The following PKD1L3 variants were observed in gnomAD, a reference collection of about 807,000 sequenced individuals.
PKD1L3 encodes polycystin 1 like 3, transient receptor potential channel interacting, also known as polycystin-1-like protein 3.
PKD1L3 carries 239 observed loss-of-function variants against 184.1 expected under a neutral mutation model. The observed-to-expected ratio is 1.30, with a 90% CI of 1.17 to 1.45. The LOEUF is 1.45. Among genes scored for constraint, PKD1L3 ranks in the 40% most tolerant of loss-of-function variants. PKD1L3 has a pLI of 0.00. For synonymous variants in PKD1L3, 996 were observed against 778.8 expected, an observed-to-expected ratio of 1.28 and a Z score of -4.64; for missense variants, 2,660 against 2,067.2, an observed-to-expected ratio of 1.29 and a Z score of -5.56.
intron 11 of PKD1L3, among the ~76,000 whole-genome samples, chr16:71,974,122 G>A (rs1273010382): frequency 6.6e-6 from 1 of 152,186 alleles, no homozygotes; most frequent in African/African-American, 2.4e-5. Context: ...TAAGTTAGCA[G>A]ATAGAAGACT....
intron 24 of PKD1L3, among the ~76,000 whole-genome samples, chr16:71,938,692 T>G (rs1183375350): frequency 6.6e-6 from 1 of 152,200 alleles, no homozygotes; most frequent in African/African-American, 2.4e-5. Context: ...CAGGATGACC[T>G]GCCTGCAGAT....
intron 11 of PKD1L3, among the ~76,000 whole-genome samples, chr16:71,976,348 C>T (rs972526745): frequency 2.7e-5 from 4 of 145,724 alleles, no homozygotes; most frequent in African/African-American, 1.0e-4. Flanking sequence ...CTCTGCCTCC[C>T]AGGCTTAAGC....
In PKD1L3 at chr16:71,952,966, G is replaced by T; in HGVS notation, c.2937C>A (p.Leu979=). 1 of 1,550,472 alleles carries T rather than the reference G, an allele frequency of 6.4e-7. No individual in the cohort carries two copies. Among genetic ancestry groups the T allele is most frequent in the Non-Finnish European group, 8.7e-7 (1 of 1,146,530 alleles). ...PLIEPQETLP[L]FPPIQASCLS... ...GGCAGGAGGCCTGGATGGGAGGAAA[G>T]AGGGGCAGAGTCTCCTGTGGCTCAA... The change falls in exon 18 of 30, where the codon CTC becomes CTA. Residue 979 remains leucine, a synonymous_variant. Coordinates refer to ENST00000620267, the MANE Select transcript of PKD1L3 (RefSeq NM_181536.2).
At chr16:71,939,830 T>C (rs1259067492) in intron 24 of PKD1L3, among the ~76,000 whole-genome samples, 1 of 152,064 alleles carries the variant, frequency 6.6e-6, no homozygotes, top group Non-Finnish European at 1.5e-5. Context: ...TTAACTCCAA[T>C]CCCTTACAAA....
At chr16:71,996,347 C>T (rs924142785) in intron 2 of PKD1L3, among the ~76,000 whole-genome samples, 4 of 150,702 alleles carry the variant, frequency 2.7e-5, no homozygotes, top group Admixed American at 1.3e-4. Context: ...CTGCAACCTC[C>T]GCCTCCCGGT....
chr16:71,942,532 G>A, intron 24 of PKD1L3, 28 bp downstream of exon 24: 4 of 1,520,982 alleles, frequency 2.6e-6, no homozygotes, highest in Non-Finnish European at 3.6e-6. Context: ...GCTACGTGTG[G>A]TTGAATTCCA....
chr16:71,943,464 G>A (rs1473713511), intron 23 of PKD1L3, among the ~76,000 whole-genome samples: 1 of 148,952 alleles, frequency 6.7e-6, no homozygotes, highest in Non-Finnish European at 1.5e-5. Context: ...CTAGAACCCA[G>A]GAGGCACAGG....
At chr16:71,985,631 CAT>C (rs1275146198) in intron 5 of PKD1L3, among the ~76,000 whole-genome samples, 2 of 152,150 alleles carry the variant, frequency 1.3e-5, no homozygotes. Context: ...GAAAAGGTCT[CAT>C]AAAGTTGCCT....
At chr16:71,998,149 G>T in intron 2 of PKD1L3, 123 bp downstream of exon 2, 1 of 1,308,328 alleles carries the variant, frequency 7.6e-7, no homozygotes. Flanking sequence ...AAAATCAAAA[G>T]CCCTGTATCA....
chr16:71,997,416 C>G (rs117846611), intron 2 of PKD1L3, among the ~76,000 whole-genome samples: 2 of 150,776 alleles, frequency 1.3e-5, no homozygotes, highest in African/African-American at 2.4e-5. Flanking sequence ...ACAAGACCCC[C>G]CCCCCCACAA....
chr16:71,948,076 G>T (rs1028581733), intron 21 of PKD1L3, among the ~76,000 whole-genome samples: 12 of 151,662 alleles, frequency 7.9e-5, no homozygotes, highest in Non-Finnish European at 1.8e-4. Flanking sequence ...ACCACACCCA[G>T]TTTATTTTAT....
intron 2 of PKD1L3, among the ~76,000 whole-genome samples, chr16:71,996,253 C>CTTTTT (rs67457253): frequency 1.2e-4 from 8 of 67,856 alleles, no homozygotes; most frequent in East Asian, 4.9e-4. Flanking sequence ...CCTCCCCCGC[C>CTTTTT]TTTTTTTTTT....
Position 71,998,285 on chromosome 16 carries a change from G to A in PKD1L3, c.405C>T (p.Phe135=). 1 of 1,552,096 alleles carries A rather than the reference G, an allele frequency of 6.4e-7. No homozygotes were observed. Among genetic ancestry groups the A allele is most frequent in the East Asian group, 2.4e-5 (1 of 40,922 alleles). ...TTTATCACTTACCAGTCTGGCAAATGAAATAGTATTTCAGTAAGCACTTGT... is the reference window on the plus strand; with the variant it reads ...TTTATCACTTACCAGTCTGGCAAATAAAATAGTATTTCAGTAAGCACTTGT... The part of the protein sequence containing the change: ...KGDKCLLKYY[F]ICQTGDFLDG... Residue 135 remains phenylalanine, a synonymous_variant, in exon 2 of 30, where the codon TTC becomes TTT. Coordinates refer to ENST00000620267, the MANE Select transcript of PKD1L3 (RefSeq NM_181536.2).
chr16:71,944,149 G>A lies in PKD1L3; in HGVS notation c.3740C>T (p.Pro1247Leu), dbSNP rs1454128793. Residue 1247 changes from proline (P) to leucine (L), a missense_variant, in exon 23 of 30, where the codon CCA becomes CTA. Transcript: ENST00000620267. ...ALLAKCSSSV[P>L]GSRDKNNPVY... Reference sequence around the variant, plus strand: ...GGGGTTGTTCTTATCTCTTGAACCTGGTACTGACGAAGAACATTTTGCTGT... The same window carrying A: ...GGGGTTGTTCTTATCTCTTGAACCTAGTACTGACGAAGAACATTTTGCTGT... 3 of 1,550,084 alleles carry A rather than the reference G, an allele frequency of 1.9e-6. No individual in the cohort carries two copies. The highest frequency in any genetic ancestry group is 3.9e-5 in the Admixed American group (2 of 50,710).
In PKD1L3 at chr16:71,944,093, T is replaced by C. The variant is rs1263075671; in HGVS notation, c.3796A>G (p.Thr1266Ala). The C allele has an allele frequency of 1.3e-6, 2 of 1,551,832 alleles. No homozygotes were observed. Among genetic ancestry groups the C allele is most frequent in the Non-Finnish European group, 1.7e-6 (2 of 1,146,908 alleles). ...VYVAPAINSP[T>A]KHPERTLKKK... ...TTCAAGGTTCTTTCTGGGTGCTTAG[T>C]TGGACTATTTATAGCTGGGGCTACA... Residue 1266 changes from threonine to alanine, a missense_variant, in exon 23 of 30, where the codon ACT (threonine) becomes GCT (alanine). Thr to Ala is a moderately conservative substitution (Grantham distance 58, BLOSUM62 0). Transcript: ENST00000620267.
chr16:71,993,205 T>A lies in PKD1L3; in HGVS notation c.535+11A>T. On this transcript the variant is annotated intron_variant, in intron 3 of 29. Coordinates refer to ENST00000620267, the MANE Select transcript of PKD1L3 (RefSeq NM_181536.2). ...CGGATTTTTAAGGTTACTAGAGGAG[T>A]AACGCATTACCTGGGGGCATTTTGT... 6.6e-7 allele frequency: 1 copy of A among 1,513,352 alleles called. No homozygotes were observed. The highest frequency in any genetic ancestry group is 1.2e-5 in the South Asian group (1 of 81,446). 93.7% of individuals were successfully genotyped at this position (1,513,352 alleles called of 1,614,324 possible).
At chr16:71,936,573 G>T (rs1367841339) in intron 25 of PKD1L3, among the ~76,000 whole-genome samples, 1 of 143,222 alleles carries the variant, frequency 7.0e-6, no homozygotes, top group Non-Finnish European at 1.5e-5. Flanking sequence ...AAGCTGAAGT[G>T]CAAGGGCGCG....
intron 22 of PKD1L3, among the ~76,000 whole-genome samples, chr16:71,946,112 C>A (rs530562498): frequency 6.6e-6 from 1 of 152,270 alleles, no homozygotes; most frequent in African/African-American, 2.4e-5. Context: ...GCATGCACCA[C>A]CACACCCAGC....
chr16:71,999,677 G>T lies in PKD1L3; in HGVS notation c.295+7C>A. On this transcript the variant is annotated splice_region_variant and intron_variant, in intron 1 of 29. Transcript: ENST00000620267. ...TCCTTCATAAACACTGAACCCCAGG[G>T]TCTTACCTGGGTATTTGTTGTCTTG... 1 of 1,534,538 alleles carries T rather than the reference G, an allele frequency of 6.5e-7. No homozygotes were observed. The highest frequency in any genetic ancestry group is 8.8e-7 in the Non-Finnish European group (1 of 1,136,484).
Sources: gnomAD v4.1 joint callset for allele counts (sites outside exome capture counted in the v4.1 genomes callset) on GRCh38, gnomAD v4.1.1 for gene constraint, MANE v1.5 for transcripts, NCBI Gene and HGNC (gene_info 2026-07-23, HGNC 2026-07-21) for gene names.